The following PDGFC variants were observed in gnomAD, a reference collection of about 807,000 sequenced individuals.
PDGFC encodes platelet derived growth factor C.
In PDGFC, 12 loss-of-function variants were observed where a neutral mutation model predicts 35.5. The ratio of observed to expected loss-of-function variants is 0.34; its 90% CI spans 0.22 to 0.55. The LOEUF (loss-of-function observed/expected upper bound fraction) is 0.55. PDGFC is among the 20% of genes least tolerant of loss of function. The probability of loss-of-function intolerance (pLI) is 0.91; values close to 1 mark genes in which losing one functional copy is unlikely to be tolerated. For missense variants in PDGFC, 322 were observed against 412.4 expected, an observed-to-expected ratio of 0.78 and a Z score of 1.90; for synonymous variants, 159 against 148.8, an observed-to-expected ratio of 1.07 and a Z score of -0.50.
At chr4:156,946,317 A>G (rs879886545) in intron 1 of PDGFC, among the ~76,000 whole-genome samples, 5 of 152,086 alleles carry the variant, frequency 3.3e-5, no homozygotes, top group Admixed American at 2.0e-4. Context: ...GTTTCACAGC[A>G]TATGGTAAAC....
At chr4:156,812,121 T>C (rs574179619) in intron 2 of PDGFC, among the ~76,000 whole-genome samples, 2 of 152,208 alleles carry the variant, frequency 1.3e-5, no homozygotes, top group African/African-American at 4.8e-5. Context: ...GAATTTTCTG[T>C]GTTTTGTTTT....
chr4:156,941,525 T>C (rs533436118), intron 1 of PDGFC, among the ~76,000 whole-genome samples: 5 of 152,308 alleles, frequency 3.3e-5, no homozygotes, highest in African/African-American at 1.2e-4. Context: ...CTTTATCATT[T>C]TCTAGAATGC....
At chr4:156,860,652 T>C (rs1187853936) in intron 1 of PDGFC, among the ~76,000 whole-genome samples, 2 of 152,302 alleles carry the variant, frequency 1.3e-5, no homozygotes, top group Non-Finnish European at 2.9e-5. Flanking sequence ...TTGACAAATG[T>C]CTTTTACTTC....
At chr4:156,846,854 A>C (rs1729338094) in intron 2 of PDGFC, among the ~76,000 whole-genome samples, 3 of 151,756 alleles carry the variant, frequency 2.0e-5, no homozygotes, top group Admixed American at 2.0e-4. Flanking sequence ...ACTTCAAATG[A>C]AAAAGTAAAT....
chr4:156,971,098 A>G lies in PDGFC; in HGVS notation c.-195T>C. Reference sequence around the variant, plus strand: ...TCCTAGAGCCCTCTTCTGTGTCTCCAGTTTTTGAAAAGGATCAAAGCAAAA... The same window carrying G: ...TCCTAGAGCCCTCTTCTGTGTCTCCGGTTTTTGAAAAGGATCAAAGCAAAA... On this transcript the variant is annotated 5_prime_UTR_variant, in exon 1 of 6. Transcript: ENST00000502773. 9 of 544,234 alleles carry G rather than the reference A, an allele frequency of 1.7e-5. No individual in the cohort carries two copies. The highest frequency in any genetic ancestry group is 3.0e-5 in the Non-Finnish European group (9 of 303,960). The allele number at this position is 544,234 out of a possible 1,614,324, so 33.7% of individuals were successfully genotyped here.
intron 1 of PDGFC, among the ~76,000 whole-genome samples, chr4:156,895,403 G>C (rs777089289): frequency 1.3e-5 from 2 of 152,132 alleles, no homozygotes; most frequent in Non-Finnish European, 2.9e-5. Flanking sequence ...GGGAGGCTGA[G>C]GTGGGCAAAT....
chr4:156,836,972 T>G (rs923094739), intron 2 of PDGFC, among the ~76,000 whole-genome samples: 4 of 152,050 alleles, frequency 2.6e-5, no homozygotes, highest in African/African-American at 7.2e-5. Flanking sequence ...TCTTTAGGAG[T>G]GAGGCTGTTC....
At chr4:156,821,403 CT>C (rs140621047) in intron 2 of PDGFC, among the ~76,000 whole-genome samples, 7,428 of 150,362 alleles carry the variant, frequency 0.049, 615 homozygotes, top group African/African-American at 0.17. Flanking sequence ...ATTTTTTTTT[CT>C]TTTTTTTTAA....
intron 2 of PDGFC, among the ~76,000 whole-genome samples, chr4:156,842,796 C>A (rs1450626529): frequency 1.3e-5 from 2 of 152,144 alleles, no homozygotes; most frequent in Non-Finnish European, 1.5e-5. Flanking sequence ...TGTAACCCAC[C>A]TGTTATTTTA....
intron 1 of PDGFC, among the ~76,000 whole-genome samples, chr4:156,851,930 C>CAAAAAAAAAAAAAAAAAAAAAAAAAA (rs61505882): frequency 2.5e-4 from 12 of 47,852 alleles, no homozygotes; most frequent in African/African-American, 7.3e-4. Context: ...GACTCCATCT[C>CAAAAAAAAAAAAAAAAAAAAAAAAAA]AAAAAAAAAA....
intron 1 of PDGFC, among the ~76,000 whole-genome samples, chr4:156,923,255 C>T (rs1345420261): frequency 1.3e-5 from 2 of 152,120 alleles, no homozygotes; most frequent in Admixed American, 1.3e-4. Context: ...GGTCCTCACT[C>T]AGGGCCTTTC....
chr4:156,766,933 T>C (rs1730554317), intron 5 of PDGFC, among the ~76,000 whole-genome samples: 2 of 152,144 alleles, frequency 1.3e-5, no homozygotes, highest in Non-Finnish European at 2.9e-5. Flanking sequence ...ATTTATTAGT[T>C]AGATATTTGT....
intron 1 of PDGFC, among the ~76,000 whole-genome samples, chr4:156,968,713 TAAAA>T (rs1381706280): frequency 2.0e-5 from 3 of 152,106 alleles, no homozygotes; most frequent in Non-Finnish European, 4.4e-5. Flanking sequence ...CTCCTTGGGC[TAAAA>T]ACTACAAGTA....
At chr4:156,839,387 GC>G (rs1729144531) in intron 2 of PDGFC, among the ~76,000 whole-genome samples, 1 of 152,046 alleles carries the variant, frequency 6.6e-6, no homozygotes, top group Non-Finnish European at 1.5e-5. Context: ...ACTTCTTCCT[GC>G]CCCCATGTGA....
At chr4:156,958,984 G>A (rs2110964386) in intron 1 of PDGFC, among the ~76,000 whole-genome samples, 1 of 152,086 alleles carries the variant, frequency 6.6e-6, no homozygotes, top group East Asian at 1.9e-4. Context: ...CATAGTTGTA[G>A]TTATGAGTCT....
intron 1 of PDGFC, among the ~76,000 whole-genome samples, chr4:156,886,293 T>C (rs1217154196): frequency 6.6e-6 from 1 of 152,220 alleles, no homozygotes; most frequent in Non-Finnish European, 1.5e-5. Flanking sequence ...AAAATGCCAA[T>C]GTGCTATAAC....
At chr4:156,952,030 G>C (rs548473862) in intron 1 of PDGFC, among the ~76,000 whole-genome samples, 2 of 151,936 alleles carry the variant, frequency 1.3e-5, no homozygotes, top group South Asian at 4.1e-4. Context: ...GATATAAACT[G>C]TTTTAATATG....
At chr4:156,826,174 A>AATTTTTTTTTTT (rs1288749370) in intron 2 of PDGFC, among the ~76,000 whole-genome samples, 1 of 43,790 alleles carries the variant, frequency 2.3e-5, no homozygotes, top group African/African-American at 8.1e-5. Flanking sequence ...TTTGAGTTGG[A>AATTTTTTTTTTT]TTTTTTTTTT....
intron 1 of PDGFC, among the ~76,000 whole-genome samples, chr4:156,926,511 A>G (rs568237251): frequency 6.6e-6 from 1 of 152,254 alleles, no homozygotes; most frequent in Admixed American, 6.5e-5. Flanking sequence ...GTTGCATTCC[A>G]GCAACATTTG....
Sources: allele counts gnomAD v4.1 joint callset (sites outside exome capture counted in the v4.1 genomes callset), GRCh38; gene constraint gnomAD v4.1.1; transcripts MANE v1.5; gene names NCBI Gene and HGNC (gene_info 2026-07-23, HGNC 2026-07-21).